The following FGD4 variants were observed in gnomAD, a reference collection of about 807,000 sequenced individuals.
FGD4 encodes FYVE, RhoGEF and PH domain containing 4, also known as FYVE, RhoGEF and PH domain-containing protein 4.
A neutral mutation model predicts 102.0 loss-of-function variants in FGD4; 42 were observed. That is an observed-to-expected ratio of 0.41 (90% CI 0.32 to 0.53). The LOEUF (loss-of-function observed/expected upper bound fraction) is 0.53. Ranked by LOEUF, FGD4 falls within the 20% of genes least tolerant of loss-of-function variation. The probability of loss-of-function intolerance (pLI) is 0.21; values close to 1 mark genes in which losing one functional copy is unlikely to be tolerated. For synonymous variants in FGD4, 380 were observed against 375.7 expected (o/e 1.01, Z -0.13); for missense variants, 902 against 1,078.2 (o/e 0.84, Z 2.29).
At chr12:32,547,044 G>C (rs1943278362) in intron 1 of FGD4, among the ~76,000 whole-genome samples, 1 of 152,216 alleles carries the variant, frequency 6.6e-6, no homozygotes, top group Admixed American at 6.5e-5. Context: ...AGGGCAAATA[G>C]CTGCAGTGAC....
intron 15 of FGD4, 127 bp from the exon 16 acceptor site, chr12:32,638,528 A>G (rs1305459306): frequency 5.5e-6 from 7 of 1,279,416 alleles, no homozygotes; most frequent in South Asian, 2.6e-5. Flanking sequence ...TGTTTAAACA[A>G]TAATTGCAAA....
intron 1 of FGD4, among the ~76,000 whole-genome samples, chr12:32,474,686 G>C (rs527693366): frequency 9.8e-5 from 15 of 152,288 alleles, no homozygotes; most frequent in Non-Finnish European, 1.5e-4. Context: ...AAGGTGGGTT[G>C]ATTGCTTGAA....
Position 32,599,494 on chromosome 12 carries a change from C to CAAAA in FGD4, c.1101+919_1101+922dup, listed in dbSNP as rs777429838. Among the ~76,000 whole-genome samples, 64 of 19,694 alleles carry CAAAA rather than the reference C, an allele frequency of 3.2e-3. 7 individuals carry two copies. Among genetic ancestry groups the CAAAA allele is most frequent in the Non-Finnish European group, 4.3e-3 (49 of 11,328 alleles). 12.9% of individuals were successfully genotyped at this position (19,694 alleles called of 152,430 possible). ...TGGGTGACAGAGCGAGACTCCGTCT[C>CAAAA]AAAAAAAAAAAAAAGAATAACTTTT... On this transcript the variant is annotated intron_variant, in intron 5 of 16. Coordinates refer to ENST00000534526, the MANE Select transcript of FGD4 (RefSeq NM_001370298.3).
At position 32,610,125 on chromosome 12, in the gene FGD4, A is replaced by G. The variant is rs111968130; in HGVS notation, c.1544-651A>G. On this transcript the variant is annotated intron_variant, in intron 8 of 16. Transcript: ENST00000534526. ...TCATACAACTAGTAAAATACTTACT[A>G]CTCATGAAATATTTTAGAACTTTTG... Among the ~76,000 whole-genome samples, 348 of 152,316 alleles carry G rather than the reference A, an allele frequency of 2.3e-3. 2 individuals are homozygous for G. Among genetic ancestry groups the G allele is most frequent in the African/African-American group, 7.8e-3 (326 of 41,560 alleles).
chr12:32,634,650 T>A (rs1007290477), intron 15 of FGD4, among the ~76,000 whole-genome samples: 1 of 152,192 alleles, frequency 6.6e-6, no homozygotes, highest in Non-Finnish European at 1.5e-5. Context: ...AGGCTCAGGA[T>A]CAAAATGCTA....
At chr12:32,534,545 G>A (rs916654341) in intron 1 of FGD4, 93 of 1,307,820 alleles carry the variant, frequency 7.1e-5, no homozygotes, top group Non-Finnish European at 8.9e-5. Flanking sequence ...CTTCCCCAGC[G>A]TGGGTCACTT....
Position 32,556,389 on chromosome 12 carries a change from C to T in FGD4, c.167-7748C>T, listed in dbSNP as rs1944123418. ...CTTCATCTTGCAAAACTGAATTCTG[C>T]ACCCACTAAACAATAACTCCCTTTT... is the stretch of plus-strand genomic sequence containing the variant. On this transcript the variant is annotated intron_variant, in intron 1 of 16. Transcript: ENST00000534526. 2.0e-5 allele frequency among the ~76,000 whole-genome samples: 3 copies of T among 152,280 alleles called. No individual in the cohort carries two copies. The South Asian group carries it at 6.2e-4, about 32-fold the overall frequency.
At chr12:32,561,087 T>TTTTTG (rs1944534608) in intron 1 of FGD4, among the ~76,000 whole-genome samples, 2 of 121,826 alleles carry the variant, frequency 1.6e-5, no homozygotes, top group Non-Finnish European at 3.5e-5. Context: ...TTTTTTTTTT[T>TTTTTG]TTTTTTTTTT....
intron 1 of FGD4, among the ~76,000 whole-genome samples, chr12:32,553,772 C>T (rs1411719461): frequency 6.6e-6 from 1 of 152,154 alleles, no homozygotes; most frequent in Non-Finnish European, 1.5e-5. Context: ...GCCTATAATG[C>T]ATATAAGTTA....
At chr12:32,453,409 T>C (rs1211192704) in intron 1 of FGD4, among the ~76,000 whole-genome samples, 2 of 151,486 alleles carry the variant, frequency 1.3e-5, no homozygotes, top group Non-Finnish European at 2.9e-5. Context: ...AATTTTTGTA[T>C]TTTTAGTAGA....
chr12:32,542,895 T>C (rs1375069186), intron 1 of FGD4, among the ~76,000 whole-genome samples: 1 of 152,244 alleles, frequency 6.6e-6, no homozygotes, highest in Non-Finnish European at 1.5e-5. Context: ...ATATTATCTC[T>C]TTGTACCCAG....
At chr12:32,555,747 T>A (rs1944054803) in intron 1 of FGD4, among the ~76,000 whole-genome samples, 2 of 151,924 alleles carry the variant, frequency 1.3e-5, no homozygotes, top group South Asian at 4.2e-4. Flanking sequence ...AATTTTTGTA[T>A]TTTTGGTAGA....
intron 1 of FGD4, among the ~76,000 whole-genome samples, chr12:32,488,140 T>C (rs1409535286): frequency 6.6e-6 from 1 of 151,758 alleles, no homozygotes; most frequent in Non-Finnish European, 1.5e-5. Flanking sequence ...AGGTTATCAA[T>C]TGGCCTGAGA....
At chr12:32,534,802 A>G (rs967171099) in intron 1 of FGD4, among the ~76,000 whole-genome samples, 2 of 152,232 alleles carry the variant, frequency 1.3e-5, no homozygotes, top group Non-Finnish European at 2.9e-5. Context: ...ATATAGAGAA[A>G]GAAAGGAACA....
chr12:32,567,323 C>T (rs902516187), intron 2 of FGD4, among the ~76,000 whole-genome samples: 1 of 152,170 alleles, frequency 6.6e-6, no homozygotes, highest in African/African-American at 2.4e-5. Flanking sequence ...AGTTGCTACC[C>T]ACAACACTAT....
chr12:32,546,368 C>T (rs964164463), intron 1 of FGD4, among the ~76,000 whole-genome samples: 3 of 152,226 alleles, frequency 2.0e-5, no homozygotes, highest in Non-Finnish European at 4.4e-5. Context: ...CAGACATGAA[C>T]CCACTTCTAA....
In FGD4 at chr12:32,405,083, G is replaced by T. The variant is rs180824798; in HGVS notation, c.166+5124G>T. Among the ~76,000 whole-genome samples, 19 of 151,746 alleles carry T rather than the reference G, an allele frequency of 1.3e-4. 1 individual carries two copies. The highest frequency in any genetic ancestry group is 4.6e-4 in the African/African-American group (19 of 41,312). ...AGAGTAGCTGGGACTACAATCGCCT[G>T]CCACCACACCCGGCTAATTTTTTGT... On this transcript the variant is annotated intron_variant, in intron 1 of 16. Transcript: ENST00000534526.
intron 4 of FGD4, among the ~76,000 whole-genome samples, chr12:32,596,184 A>T (rs919719921): frequency 1.3e-5 from 2 of 152,248 alleles, no homozygotes; most frequent in East Asian, 3.8e-4. Flanking sequence ...CAATACAAAG[A>T]TTTGCATATG....
At chr12:32,453,237 A>T (rs12369035) in intron 1 of FGD4, among the ~76,000 whole-genome samples, 12,742 of 90,468 alleles carry the variant, frequency 0.14, 994 homozygotes, top group Middle Eastern at 0.29. Context: ...ATATATATAT[A>T]TTTTTTTTTT....
Sources: allele counts gnomAD v4.1 joint callset (sites outside exome capture counted in the v4.1 genomes callset), GRCh38; gene constraint gnomAD v4.1.1; transcripts MANE v1.5; gene names NCBI Gene and HGNC (gene_info 2026-07-23, HGNC 2026-07-21).